Variants in MAP3K13 observed in about 807,000 individuals in gnomAD.
MAP3K13 encodes leucine zipper-bearing kinase.
In MAP3K13, 52 loss-of-function variants were observed where a neutral mutation model predicts 104.0. The ratio of observed to expected loss-of-function variants is 0.50; its 90% CI spans 0.40 to 0.63. MAP3K13 has a LOEUF of 0.63. MAP3K13 is among the 20% of genes least tolerant of loss of function. The pLI is 0.00. For synonymous variants in MAP3K13, 394 were observed against 442.2 expected, an observed-to-expected ratio of 0.89 and a Z score of 1.37; for missense variants, 914 against 1,218.5, an observed-to-expected ratio of 0.75 and a Z score of 3.72.
chr3:185,305,549 C>T (rs1242546824), intron 2 of MAP3K13, among the ~76,000 whole-genome samples: 1 of 152,070 alleles, frequency 6.6e-6, no homozygotes, highest in Non-Finnish European at 1.5e-5. Flanking sequence ...TACAGTATTA[C>T]ATGATTCTGT....
chr3:185,442,060 G>A, intron 3 of MAP3K13, among the ~76,000 whole-genome samples: 1 of 141,188 alleles, frequency 7.1e-6, no homozygotes, highest in Non-Finnish European at 1.6e-5. Context: ...AAAAAAATTA[G>A]CCTGGCGTGG....
chr3:185,344,453 T>A (rs1722839596), intron 2 of MAP3K13, among the ~76,000 whole-genome samples: 1 of 152,212 alleles, frequency 6.6e-6, no homozygotes. Context: ...TTCTCCTCAC[T>A]TCTTTTTTCT....
chr3:185,346,635 T>A (rs1722934400), intron 2 of MAP3K13, among the ~76,000 whole-genome samples: 1 of 152,224 alleles, frequency 6.6e-6, no homozygotes, highest in Non-Finnish European at 1.5e-5. Flanking sequence ...TAGATCGTTT[T>A]GCAAAGTACT....
chr3:185,331,604 C>T (rs1248136292), intron 2 of MAP3K13, among the ~76,000 whole-genome samples: 1 of 152,106 alleles, frequency 6.6e-6, no homozygotes, highest in Non-Finnish European at 1.5e-5. Context: ...GCCTGCTTGA[C>T]ATGTAGTAGA....
At chr3:185,329,465 A>T (rs2108704607) in intron 2 of MAP3K13, among the ~76,000 whole-genome samples, 1 of 152,356 alleles carries the variant, frequency 6.6e-6, no homozygotes, top group East Asian at 1.9e-4. Context: ...CTGTAACAAG[A>T]TGTTGGGATC....
chr3:185,400,864 ACT>A (rs1420544802), intron 1 of MAP3K13, among the ~76,000 whole-genome samples: 2 of 139,844 alleles, frequency 1.4e-5, no homozygotes, highest in East Asian at 2.1e-4. Context: ...GATTTTCTGC[ACT>A]GTTTCTCTTC....
chr3:185,480,181 G>A (rs946496996), intron 12 of MAP3K13, 51 bp from the exon 13 acceptor site: 1 of 1,554,216 alleles, frequency 6.4e-7, no homozygotes. Flanking sequence ...GATAAGGAAA[G>A]AAAAGCAGTT....
chr3:185,318,704 G>T (rs1721759969), intron 2 of MAP3K13, among the ~76,000 whole-genome samples: 2 of 152,290 alleles, frequency 1.3e-5, no homozygotes, highest in African/African-American at 2.4e-5. Flanking sequence ...AGTCCCTCCT[G>T]TTCCACAGAC....
At chr3:185,476,073 C>T (rs1718106684) in intron 11 of MAP3K13, among the ~76,000 whole-genome samples, 1 of 152,160 alleles carries the variant, frequency 6.6e-6, no homozygotes, top group Middle Eastern at 3.2e-3. Flanking sequence ...AATTTTACAA[C>T]ACTTTTATCA....
intron 2 of MAP3K13, among the ~76,000 whole-genome samples, chr3:185,337,981 T>C (rs1455569219): frequency 6.6e-6 from 1 of 152,144 alleles, no homozygotes; most frequent in African/African-American, 2.4e-5. Flanking sequence ...AAGGGCTGCC[T>C]GTATAAACTA....
chr3:185,456,862 A>G (rs1314750135), intron 7 of MAP3K13, among the ~76,000 whole-genome samples: 6 of 152,086 alleles, frequency 3.9e-5, no homozygotes, highest in South Asian at 2.1e-4. Context: ...TGGCCTCCCA[A>G]CGTGCTGCGG....
chr3:185,482,290 G>C lies in MAP3K13; in HGVS notation c.2800-65G>C. The C allele has an allele frequency of 4.4e-6, 5 of 1,128,234 alleles. No individual in the cohort carries two copies. The highest frequency in any genetic ancestry group is 5.4e-6 in the Non-Finnish European group (4 of 739,776). The allele number at this position is 1,128,234 out of a possible 1,614,324, so 69.9% of individuals were successfully genotyped here. On this transcript the variant is annotated intron_variant, in intron 13 of 13. Transcript: ENST00000265026. The surrounding 1 kb of genome is among the most constrained non-coding windows in gnomAD (Gnocchi z 4.5). ...CAAGCACAGTGCCTGTTGTGTGGGA[G>C]GTGTTTGACATATATTTACTGAGTG...
rs1265471490 is a variant in MAP3K13, at chr3:185,451,867, CAA to C, written c.1278+486_1278+487del. 9.1e-3 allele frequency among the ~76,000 whole-genome samples: 501 copies of C among 54,774 alleles called. 4 individuals carry two copies. Among genetic ancestry groups the C allele is most frequent in the African/African-American group, 0.028 (457 of 16,080 alleles). The allele number at this position is 54,774 out of a possible 152,430, so 35.9% of individuals were successfully genotyped here. On this transcript the variant is annotated intron_variant, in intron 7 of 13. Transcript: ENST00000265026. ...GGGCAACAAGAGCAAAACACCGCCT[CAA>C]AAAAAAAAAAAAAGAAAAAAGAAAG...
At position 185,482,299 on chromosome 3, in the gene MAP3K13, C is replaced by A; in HGVS notation, c.2800-56C>A. 1 of 1,270,784 alleles carries A rather than the reference C, an allele frequency of 7.9e-7. No individual in the cohort carries two copies. Among genetic ancestry groups the A allele is most frequent in the Non-Finnish European group, 1.2e-6 (1 of 867,966 alleles). 78.7% of individuals were successfully genotyped at this position (1,270,784 alleles called of 1,614,324 possible). A position where few individuals can be genotyped will look rare whatever the true frequency, so the allele number is the denominator to read the frequency against. On this transcript the variant is annotated intron_variant, in intron 13 of 13. Transcript: ENST00000265026. This position sits in a 1 kb window ranked among gnomAD's most constrained non-coding sequence, Gnocchi z 4.5. ...TGCCTGTTGTGTGGGAGGTGTTTGA[C>A]ATATATTTACTGAGTGATTATCGAA...
intron 2 of MAP3K13, among the ~76,000 whole-genome samples, chr3:185,432,767 CT>C (rs999446599): frequency 1.3e-5 from 2 of 152,180 alleles, no homozygotes; most frequent in African/African-American, 4.8e-5. Flanking sequence ...TGTTTTCCAA[CT>C]GATTATGTGA....
At chr3:185,463,684 C>T in intron 8 of MAP3K13, 25 bp downstream of exon 8, 1 of 1,382,240 alleles carries the variant, frequency 7.2e-7, no homozygotes, top group Non-Finnish European at 1.0e-6. Context: ...CCTTCCCCAC[C>T]TCCCTTCATC....
chr3:185,307,537 C>T lies in MAP3K13; in HGVS notation c.-86+21894C>T, dbSNP rs576923426. Among the ~76,000 whole-genome samples, 6 of 44,236 alleles carry T rather than the reference C, an allele frequency of 1.4e-4. No homozygotes were observed. In the South Asian group the frequency reaches 3.5e-3, roughly 26 times the overall value. The allele number at this position is 44,236 out of a possible 152,430, so 29.0% of individuals were successfully genotyped here. A position where few individuals can be genotyped will look rare whatever the true frequency, so the allele number is the denominator to read the frequency against. ...TCAGCTCTATAATTTCCATTTGGTG[C>T]ACCACCCCCTCCCCCGCCACCCCGA... On this transcript the variant is annotated intron_variant, in intron 2 of 14. Coordinates refer to the MAP3K13 transcript ENST00000424227.
At position 185,418,779 on chromosome 3, in the gene MAP3K13, G is replaced by A; in HGVS notation, c.-85-9718G>A. ...ATATCATTGGGCGAGCACACGCCAT[G>A]GCGGAGAGAGGAGACAGCCACGCTC... On this transcript the variant is annotated intron_variant, in intron 1 of 13. Coordinates refer to ENST00000265026, the MANE Select transcript of MAP3K13 (RefSeq NM_004721.5). This position sits in a 1 kb window ranked among gnomAD's most constrained non-coding sequence, Gnocchi z 4.5. The A allele has an allele frequency of 6.3e-7, 1 of 1,598,072 alleles. No individual in the cohort carries two copies.
intron 2 of MAP3K13, among the ~76,000 whole-genome samples, chr3:185,321,965 T>C (rs1560046846): frequency 6.6e-6 from 1 of 152,230 alleles, no homozygotes; most frequent in Non-Finnish European, 1.5e-5. Context: ...TAAGTGCTTC[T>C]TTAATTTCTA....
Sources: gnomAD v4.1 joint callset for allele counts (sites outside exome capture counted in the v4.1 genomes callset) on GRCh38, gnomAD v4.1.1 for gene constraint, Gnocchi (gnomAD v3.1) non-coding constraint, MANE v1.5 for transcripts, NCBI Gene and HGNC (gene_info 2026-07-23, HGNC 2026-07-21) for gene names.